ZFPM2: variants seen among roughly 807,000 people sequenced by gnomAD.
ZFPM2 encodes zinc finger protein ZFPM2.
ZFPM2 carries 20 observed loss-of-function variants against 98.6 expected under a neutral mutation model. The observed-to-expected ratio is 0.20, with a 90% confidence interval of 0.14 to 0.29. The LOEUF (loss-of-function observed/expected upper bound fraction) is 0.29. Ranked by LOEUF, ZFPM2 falls within the 10% of genes least tolerant of loss-of-function variation. The pLI is 1.00. For missense variants in ZFPM2, 1,310 were observed against 1,388.6 expected (o/e 0.94, Z 0.90); for synonymous variants, 518 against 502.7 (o/e 1.03, Z -0.41).
At chr8:105,534,014 C>CCTT (rs1814369870) in intron 3 of ZFPM2, among the ~76,000 whole-genome samples, 1 of 21,444 alleles carries the variant, frequency 4.7e-5, no homozygotes, top group Non-Finnish European at 7.3e-5. Flanking sequence ...CTTCCTTCCT[C>CCTT]CCTTCTTCCC....
At chr8:105,616,662 A>G (rs1360336686) in intron 4 of ZFPM2, 3 of 383,010 alleles carry the variant, frequency 7.8e-6, no homozygotes, top group Non-Finnish European at 1.6e-5. Context: ...CATATGGTAT[A>G]ACAATAATAA....
intron 3 of ZFPM2, among the ~76,000 whole-genome samples, chr8:105,536,436 G>A (rs540583316): frequency 6.6e-6 from 1 of 151,752 alleles, no homozygotes; most frequent in African/African-American, 2.4e-5. Flanking sequence ...GTTTACTGTG[G>A]AATCTTATCT....
intron 5 of ZFPM2, among the ~76,000 whole-genome samples, chr8:105,725,402 T>C (rs1431045682): frequency 6.6e-6 from 1 of 151,836 alleles, no homozygotes; most frequent in Non-Finnish European, 1.5e-5. Context: ...TTTTTCTCTG[T>C]TTCTGTAATA....
chr8:105,762,252 T>C (rs375661402), intron 5 of ZFPM2, among the ~76,000 whole-genome samples: 4 of 151,952 alleles, frequency 2.6e-5, no homozygotes, highest in South Asian at 4.1e-4. Context: ...AGTTCCAAGA[T>C]GGTGCAAGGT....
In ZFPM2 at chr8:105,427,285, A is replaced by G. The variant is rs549172384; in HGVS notation, c.199+7983A>G. On this transcript the variant is annotated intron_variant, in intron 2 of 7. Coordinates refer to ENST00000407775, the MANE Select transcript of ZFPM2 (RefSeq NM_012082.4). ...CCTCATCTCTCATTTCAGATATATC[A>G]TCATAACAGTTGCAACCAAATTAAA... Among the ~76,000 whole-genome samples, 13 of 152,314 alleles carry G rather than the reference A, an allele frequency of 8.5e-5. No individual in the cohort carries two copies. The South Asian group carries it at 2.7e-3, about 32-fold the overall frequency.
intron 5 of ZFPM2, among the ~76,000 whole-genome samples, chr8:105,704,201 G>A (rs905482435): frequency 1.3e-5 from 2 of 152,154 alleles, no homozygotes; most frequent in African/African-American, 4.8e-5. Flanking sequence ...TTGGTTTTAC[G>A]TGGATTTTGC....
Position 105,443,312 on chromosome 8 carries a change from C to CAAAAAAAAAAAAAAAA in ZFPM2, c.200-962_200-961insAAAAAAAAAAAAAAAA, listed in dbSNP as rs1491232192. 2.5e-4 allele frequency among the ~76,000 whole-genome samples: 29 copies of CAAAAAAAAAAAAAAAA among 115,320 alleles called. 3 individuals carry two copies. Among genetic ancestry groups the CAAAAAAAAAAAAAAAA allele is most frequent in the African/African-American group, 9.9e-4 (24 of 24,276 alleles). 75.7% of individuals were successfully genotyped at this position (115,320 alleles called of 152,430 possible). A position where few individuals can be genotyped will look rare whatever the true frequency, so the allele number is the denominator to read the frequency against. On this transcript the variant is annotated intron_variant, in intron 2 of 7. Transcript: ENST00000407775. The stretch of plus-strand genomic sequence containing the variant: ...TGACAGAGCGAGTAAGACTCCTTCT[C>CAAAAAAAAAAAAAAAA]AAAAAACAAAAAACAAAAAAAAAAA...
At chr8:105,800,464 G>A (rs556764938) in intron 7 of ZFPM2, among the ~76,000 whole-genome samples, 103 of 151,786 alleles carry the variant, frequency 6.8e-4, no homozygotes, top group African/African-American at 2.4e-3. Context: ...CCTGGATAGA[G>A]ATAAACTATG....
intron 4 of ZFPM2, among the ~76,000 whole-genome samples, chr8:105,572,238 C>G (rs1245881148): frequency 6.6e-6 from 1 of 151,718 alleles, no homozygotes; most frequent in South Asian, 2.1e-4. Flanking sequence ...GGGGTTTCAC[C>G]GTGTTAGCCA....
At chr8:105,479,981 A>T (rs1813084221) in intron 3 of ZFPM2, among the ~76,000 whole-genome samples, 1 of 152,204 alleles carries the variant, frequency 6.6e-6, no homozygotes, top group Admixed American at 6.5e-5. Flanking sequence ...AGGAATTGAA[A>T]TGCTAGTGAG....
chr8:105,681,161 T>C (rs1810590810), intron 5 of ZFPM2, among the ~76,000 whole-genome samples: 1 of 152,200 alleles, frequency 6.6e-6, no homozygotes, highest in Non-Finnish European at 1.5e-5. Flanking sequence ...CTCATTATTA[T>C]GAAGATAGGG....
intron 3 of ZFPM2, among the ~76,000 whole-genome samples, chr8:105,450,336 A>G: frequency 6.6e-6 from 1 of 152,134 alleles, no homozygotes; most frequent in East Asian, 1.9e-4. Context: ...TGAAGATTAC[A>G]GTTCTGATTT....
At chr8:105,643,948 G>C (rs1208652248) in intron 5 of ZFPM2, among the ~76,000 whole-genome samples, 1 of 152,274 alleles carries the variant, frequency 6.6e-6, no homozygotes, top group Non-Finnish European at 1.5e-5. Flanking sequence ...CACAGCCACA[G>C]CAATTTGTTT....
chr8:105,394,464 G>C (rs1012749747), intron 1 of ZFPM2, among the ~76,000 whole-genome samples: 7 of 152,180 alleles, frequency 4.6e-5, no homozygotes, highest in Non-Finnish European at 1.0e-4. Context: ...CCTGGAAATT[G>C]AGAGTGTTTT....
In ZFPM2 at chr8:105,380,704, AAT is replaced by A. The variant is rs1445195643; in HGVS notation, c.41-38427_41-38426del. On this transcript the variant is annotated intron_variant, in intron 1 of 7. Coordinates refer to ENST00000407775, the MANE Select transcript of ZFPM2 (RefSeq NM_012082.4). The stretch of plus-strand genomic sequence containing the variant: ...TATATATATTATATATAACATATAT[AAT>A]ATATATATATATTATATATAACATA... Among the ~76,000 whole-genome samples the A allele has an allele frequency of 4.7e-3, 92 of 19,522 alleles. 7 individuals carry two copies. The highest frequency in any genetic ancestry group is 8.6e-3 in the Admixed American group (7 of 810). The allele number at this position is 19,522 out of a possible 152,430, so 12.8% of individuals were successfully genotyped here.
In ZFPM2 at chr8:105,580,819, C is replaced by CTATATATATA. The variant is rs201942806; in HGVS notation, c.420+19339_420+19340insATATATATAT. Among the ~76,000 whole-genome samples, 14 of 115,040 alleles carry CTATATATATA rather than the reference C, an allele frequency of 1.2e-4. No individual in the cohort carries two copies. In the South Asian group the frequency reaches 2.8e-3, roughly 23 times the overall value. The allele number at this position is 115,040 out of a possible 152,430, so 75.5% of individuals were successfully genotyped here. On this transcript the variant is annotated intron_variant, in intron 4 of 7. Coordinates refer to ENST00000407775, the MANE Select transcript of ZFPM2 (RefSeq NM_012082.4). ...CATCATTCTCTCTCTCTCTCTCTCT[C>CTATATATATA]TCTCTCTCTATATATATATATATAT...
chr8:105,656,286 T>C (rs1341569350), intron 5 of ZFPM2, among the ~76,000 whole-genome samples: 1 of 152,210 alleles, frequency 6.6e-6, no homozygotes, highest in Non-Finnish European at 1.5e-5. Context: ...TATTGACCCC[T>C]GGAAACTATT....
At chr8:105,709,437 A>G (rs1692849910) in intron 5 of ZFPM2, among the ~76,000 whole-genome samples, 1 of 152,122 alleles carries the variant, frequency 6.6e-6, no homozygotes, top group Non-Finnish European at 1.5e-5. Flanking sequence ...CACTGGGTTA[A>G]TAGCATGGAA....
At chr8:105,634,675 A>T (rs958437319) in intron 5 of ZFPM2, among the ~76,000 whole-genome samples, 1 of 152,088 alleles carries the variant, frequency 6.6e-6, no homozygotes, top group Admixed American at 6.6e-5. Flanking sequence ...CGAAACTCCA[A>T]TTTCTCCTTT....
Sources: gnomAD v4.1 joint callset for allele counts (sites outside exome capture counted in the v4.1 genomes callset) on GRCh38, gnomAD v4.1.1 for gene constraint, MANE v1.5 for transcripts, NCBI Gene and HGNC (gene_info 2026-07-23, HGNC 2026-07-21) for gene names.